Variants in TNIK observed in about 807,000 individuals in gnomAD.
The protein encoded by TNIK is TRAF2 and NCK-interacting protein kinase.
TNIK carries 49 observed loss-of-function variants against 191.3 expected under a neutral mutation model. That is an observed-to-expected ratio of 0.26 (90% CI 0.20 to 0.32). TNIK has a LOEUF of 0.32. Among genes scored for constraint, TNIK ranks in the 10% least tolerant of loss-of-function variants. The pLI is 1.00. For synonymous variants in TNIK, 594 were observed against 600.9 expected (o/e 0.99, Z 0.17); for missense variants, 1,155 against 1,702.3 (o/e 0.68, Z 5.66).
At chr3:171,182,451 A>G (rs950947394) in intron 7 of TNIK, among the ~76,000 whole-genome samples, 1 of 152,162 alleles carries the variant, frequency 6.6e-6, no homozygotes, top group Non-Finnish European at 1.5e-5. Context: ...CAAGATGAGG[A>G]AAGAGTCAGA....
chr3:171,312,132 AAAAAAAAAAG>A (rs377533308), intron 2 of TNIK, among the ~76,000 whole-genome samples: 4,488 of 144,896 alleles, frequency 0.031, 273 homozygotes, highest in Middle Eastern at 0.043. Flanking sequence ...AAAAAAAAAA[AAAAAAAAAAG>A]GGCTAGACTG....
At chr3:171,117,140 C>T (rs184662811) in intron 18 of TNIK, among the ~76,000 whole-genome samples, 29 of 152,236 alleles carry the variant, frequency 1.9e-4, no homozygotes, top group Admixed American at 1.4e-3. Flanking sequence ...TAGTAAATAT[C>T]GCAACATAAG....
intron 2 of TNIK, among the ~76,000 whole-genome samples, chr3:171,241,990 G>A (rs1477824821): frequency 7.1e-6 from 1 of 140,742 alleles, no homozygotes; most frequent in Non-Finnish European, 1.5e-5. Context: ...ACAGGAAGGG[G>A]AACATCACAC....
intron 2 of TNIK, among the ~76,000 whole-genome samples, chr3:171,295,814 C>A (rs1295648478): frequency 2.0e-5 from 3 of 152,158 alleles, no homozygotes; most frequent in Admixed American, 2.0e-4. Context: ...GAATATCTGG[C>A]CTGTTCCTCC....
intron 22 of TNIK, among the ~76,000 whole-genome samples, chr3:171,097,684 C>CT (rs568615009): frequency 7.2e-5 from 11 of 152,160 alleles, no homozygotes; most frequent in Non-Finnish European, 1.2e-4. Context: ...ATTGTGAGGC[C>CT]CCCCTAGCCA....
intron 15 of TNIK, among the ~76,000 whole-genome samples, chr3:171,137,078 T>C (rs1730099321): frequency 1.3e-5 from 2 of 150,460 alleles, no homozygotes; most frequent in African/African-American, 4.9e-5. Flanking sequence ...TTAAACAATA[T>C]GTAAAAGTAC....
chr3:171,275,355 A>C (rs1749600733), intron 2 of TNIK, among the ~76,000 whole-genome samples: 1 of 152,220 alleles, frequency 6.6e-6, no homozygotes, highest in Non-Finnish European at 1.5e-5. Flanking sequence ...GAGATGAATA[A>C]ATGGAGGAAA....
At chr3:171,443,197 C>T (rs1727048603) in intron 1 of TNIK, among the ~76,000 whole-genome samples, 2 of 152,174 alleles carry the variant, frequency 1.3e-5, no homozygotes, top group African/African-American at 4.8e-5. Flanking sequence ...TTGACTCTGT[C>T]AACCATTCCA....
chr3:171,158,027 G>A (rs1269374390), intron 11 of TNIK, among the ~76,000 whole-genome samples: 1 of 152,152 alleles, frequency 6.6e-6, no homozygotes, highest in Admixed American at 6.5e-5. Flanking sequence ...CCCCAGACTG[G>A]ATTATTTTCA....
intron 1 of TNIK, among the ~76,000 whole-genome samples, chr3:171,429,978 A>G (rs962420886): frequency 1.3e-5 from 2 of 152,152 alleles, no homozygotes; most frequent in African/African-American, 4.8e-5. Context: ...TTTTGTTAAA[A>G]TGCAAATTTT....
chr3:171,148,817 G>A (rs1234545703), intron 12 of TNIK, among the ~76,000 whole-genome samples: 6 of 152,240 alleles, frequency 3.9e-5, no homozygotes, highest in Non-Finnish European at 5.9e-5. Context: ...ACAAGAACTC[G>A]AATCAACGAA....
At chr3:171,236,934 G>T (rs2109021809) in intron 2 of TNIK, among the ~76,000 whole-genome samples, 1 of 152,304 alleles carries the variant, frequency 6.6e-6, no homozygotes, top group South Asian at 2.1e-4. Flanking sequence ...TAGGCTGGGG[G>T]TTGGGGGAAA....
At chr3:171,404,334 A>C (rs548896668) in intron 1 of TNIK, among the ~76,000 whole-genome samples, 3 of 151,486 alleles carry the variant, frequency 2.0e-5, no homozygotes, top group East Asian at 3.9e-4. Context: ...CATACTCCCA[A>C]CTGAGAACCA....
At chr3:171,340,039 C>T (rs1757364038) in intron 2 of TNIK, among the ~76,000 whole-genome samples, 1 of 152,120 alleles carries the variant, frequency 6.6e-6, no homozygotes, top group Non-Finnish European at 1.5e-5. Flanking sequence ...CATGATAAAA[C>T]TGTCATGTAA....
intron 28 of TNIK, among the ~76,000 whole-genome samples, chr3:171,075,227 T>A (rs1054022424): frequency 1.8e-4 from 27 of 152,218 alleles, no homozygotes; most frequent in African/African-American, 6.0e-4. Flanking sequence ...AAATGCCAAG[T>A]AATAAAGGCA....
chr3:171,334,092 C>T (rs1256611678), intron 2 of TNIK, among the ~76,000 whole-genome samples: 1 of 152,192 alleles, frequency 6.6e-6, no homozygotes, highest in Non-Finnish European at 1.5e-5. Context: ...GTGTCAAGTA[C>T]AGCACTGGAC....
intron 1 of TNIK, among the ~76,000 whole-genome samples, chr3:171,393,277 A>G (rs954685784): frequency 6.6e-6 from 1 of 152,240 alleles, no homozygotes; most frequent in African/African-American, 2.4e-5. Flanking sequence ...GTGCAGACCC[A>G]GCTGCCCTTG....
intron 9 of TNIK, 80 bp from the exon 10 acceptor site, chr3:171,167,350 A>G (rs1371288308): frequency 2.6e-6 from 4 of 1,537,826 alleles, no homozygotes; most frequent in Non-Finnish European, 3.5e-6. Context: ...AAATGCTGGG[A>G]CTTTTTCTTT....
chr3:171,221,252 T>C (rs1228789910), intron 3 of TNIK, among the ~76,000 whole-genome samples: 1 of 152,200 alleles, frequency 6.6e-6, no homozygotes, highest in African/African-American at 2.4e-5. Flanking sequence ...TCTACATAAA[T>C]GGCTCCAAAG....
Sources: gnomAD v4.1 joint callset for allele counts (sites outside exome capture counted in the v4.1 genomes callset) on GRCh38, gnomAD v4.1.1 for gene constraint, MANE v1.5 for transcripts, NCBI Gene and HGNC (gene_info 2026-07-23, HGNC 2026-07-21) for gene names.